KLHL22: variants seen among roughly 807,000 people sequenced by gnomAD.
KLHL22 encodes kelch-like protein 22.
A neutral mutation model predicts 60.7 loss-of-function variants in KLHL22; 18 were observed. The ratio of observed to expected loss-of-function variants is 0.30; its 90% confidence interval spans 0.20 to 0.44. The LOEUF (loss-of-function observed/expected upper bound fraction) is 0.44. Ranked by LOEUF, KLHL22 falls within the 20% of genes least tolerant of loss-of-function variation. KLHL22 has a pLI of 1.00. For synonymous variants in KLHL22, 355 were observed against 354.5 expected (o/e 1.00, Z -0.01); for missense variants, 596 against 852.3 (o/e 0.70, Z 3.74).
chr22:20,464,957 C>CG lies in KLHL22; in HGVS notation c.1012dup (p.Arg338ProfsTer36). 2 of 1,606,898 alleles carry CG rather than the reference C, an allele frequency of 1.2e-6. No homozygotes were observed. On this transcript the variant is annotated frameshift_variant, in exon 4 of 7. Coordinates refer to ENST00000328879, the MANE Select transcript of KLHL22 (RefSeq NM_032775.4). LOFTEE classifies it high-confidence loss of function. ...CACCGCGATGCCCTGGTTGGACATG[C>CG]GGGGGGCCAGGGAGGCAGTGAAGTG...
At chr22:20,470,711 G>GATGC (rs1331563358) in intron 3 of KLHL22, among the ~76,000 whole-genome samples, 4 of 131,902 alleles carry the variant, frequency 3.0e-5, no homozygotes, top group East Asian at 2.0e-4. Context: ...TGGATGGATG[G>GATGC]ATGCATGCAT....
intron 4 of KLHL22, among the ~76,000 whole-genome samples, chr22:20,460,260 T>C (rs1029211883): frequency 2.0e-5 from 3 of 152,198 alleles, no homozygotes; most frequent in Non-Finnish European, 4.4e-5. Flanking sequence ...TTCGAGTCTA[T>C]TGTCCTCACA....
intron 3 of KLHL22, among the ~76,000 whole-genome samples, chr22:20,470,789 T>TGGATGGAG (rs2053309890): frequency 7.1e-6 from 1 of 140,920 alleles, no homozygotes; most frequent in South Asian, 2.2e-4. Flanking sequence ...GATGGATAGA[T>TGGATGGAG]GGATGGATGG....
intron 2 of KLHL22, among the ~76,000 whole-genome samples, chr22:20,473,555 C>T (rs1309889961): frequency 1.3e-5 from 2 of 152,136 alleles, no homozygotes; most frequent in Admixed American, 6.5e-5. Context: ...CTAGGTAATA[C>T]ATATACATGC....
At position 20,466,244 on chromosome 22, in the gene KLHL22, C is replaced by T. The variant is rs1003094723; in HGVS notation, c.394-668G>A. ...CAAAAATTAGCTGGGCGTGGTGGCG[C>T]GCGCCTGTAATCCCAGCTACTCAGG... On this transcript the variant is annotated intron_variant, in intron 3 of 6. Transcript: ENST00000328879. 5.9e-5 allele frequency among the ~76,000 whole-genome samples: 9 copies of T among 151,826 alleles called. No individual in the cohort carries two copies. The East Asian group carries it at 1.2e-3, about 20-fold the overall frequency.
In KLHL22 at chr22:20,465,291, C is replaced by A; in HGVS notation, c.679G>T (p.Val227Leu). ...TGCAGCGAGATCTGGTCAGCCTGCACCTGCTCCAGGCTATAATGGTAGAGA... is the reference window on the plus strand; with the variant it reads ...TGCAGCGAGATCTGGTCAGCCTGCAACTGCTCCAGGCTATAATGGTAGAGA... ...ALLYHYSLEQ[V>L]QADQISLHEP... Residue 227 changes from valine to leucine, a missense_variant, in exon 4 of 7, where the codon GTG becomes TTG. Transcript: ENST00000328879. This position sits in a 1 kb window ranked among gnomAD's most constrained non-coding sequence, Gnocchi z 4.9. The A allele has an allele frequency of 1.1e-5, 18 of 1,614,110 alleles. No homozygotes were observed. Among genetic ancestry groups the A allele is most frequent in the Non-Finnish European group, 1.5e-5 (18 of 1,180,030 alleles).
chr22:20,458,870 G>T (rs991249606), intron 4 of KLHL22, among the ~76,000 whole-genome samples: 2 of 152,186 alleles, frequency 1.3e-5, no homozygotes, highest in African/African-American at 4.8e-5. Context: ...AAAGTGGAAA[G>T]GGTTAACTCC....
At chr22:20,493,235 G>T (rs1306749182) in intron 1 of KLHL22, 1 of 471,114 alleles carries the variant, frequency 2.1e-6, no homozygotes, top group South Asian at 1.5e-5. Context: ...AACAAGTACG[G>T]TAAAACAGAA....
At chr22:20,484,565 G>A (rs2053556428) in intron 2 of KLHL22, among the ~76,000 whole-genome samples, 1 of 152,026 alleles carries the variant, frequency 6.6e-6, no homozygotes, top group African/African-American at 2.4e-5. Context: ...ATTGTGCTGG[G>A]ATTACATGCA....
At chr22:20,443,590 TC>T (rs2052802545) in intron 6 of KLHL22, among the ~76,000 whole-genome samples, 1 of 151,598 alleles carries the variant, frequency 6.6e-6, no homozygotes, top group Non-Finnish European at 1.5e-5. Context: ...AATACAAAAA[TC>T]AGCTGGGCAT....
chr22:20,465,729 G>A lies in KLHL22; in HGVS notation c.394-153C>T. The A allele has an allele frequency of 1.6e-6, 1 of 635,828 alleles. No individual in the cohort carries two copies. Among genetic ancestry groups the A allele is most frequent in the Non-Finnish European group, 2.8e-6 (1 of 353,000 alleles). 39.4% of individuals were successfully genotyped at this position (635,828 alleles called of 1,614,324 possible). A position where few individuals can be genotyped will look rare whatever the true frequency, so the allele number is the denominator to read the frequency against. Reference sequence around the variant, plus strand: ...GTCCCCGACCTTTTCTGACACACTGGAGACTGGGGCTTACTGCAGACTAGG... The same window carrying A: ...GTCCCCGACCTTTTCTGACACACTGAAGACTGGGGCTTACTGCAGACTAGG... On this transcript the variant is annotated intron_variant, in intron 3 of 6. Coordinates refer to ENST00000328879, the MANE Select transcript of KLHL22 (RefSeq NM_032775.4). The surrounding 1 kb of genome is among the most constrained non-coding windows in gnomAD (Gnocchi z 4.9).
At chr22:20,491,374 C>T (rs185752355) in intron 1 of KLHL22, 12 of 152,174 alleles carry the variant, frequency 7.9e-5, no homozygotes, top group Admixed American at 5.9e-4. Context: ...AGAGGTGAGG[C>T]TGAAAGTCCC....
intron 3 of KLHL22, among the ~76,000 whole-genome samples, chr22:20,467,789 G>A (rs1356731824): frequency 6.6e-6 from 1 of 152,110 alleles, no homozygotes; most frequent in Non-Finnish European, 1.5e-5. Flanking sequence ...CTCCCAAGTA[G>A]CTGGGACAAC....
chr22:20,478,957 C>T (rs1044470043), intron 2 of KLHL22, among the ~76,000 whole-genome samples: 8 of 151,260 alleles, frequency 5.3e-5, no homozygotes, highest in Non-Finnish European at 8.9e-5. Flanking sequence ...GGTGAAACCC[C>T]GTCTCTAGTA....
chr22:20,484,129 G>T, intron 2 of KLHL22: 1 of 725,522 alleles, frequency 1.4e-6, no homozygotes, highest in Non-Finnish European at 2.5e-6. Context: ...GAGAGCAAGA[G>T]GACAGGACTC....
At chr22:20,494,074 G>GCCCCCC (rs35792870) in intron 1 of KLHL22, among the ~76,000 whole-genome samples, 6 of 122,310 alleles carry the variant, frequency 4.9e-5, no homozygotes, top group Non-Finnish European at 6.8e-5. Flanking sequence ...GCCAGACTTT[G>GCCCCCC]CCCCCCCCCC....
intron 5 of KLHL22, chr22:20,450,859 T>C: frequency 6.2e-7 from 1 of 1,609,670 alleles, no homozygotes; most frequent in Non-Finnish European, 8.5e-7. Flanking sequence ...TGGTTTACAA[T>C]GCAGGGATCT....
intron 2 of KLHL22, among the ~76,000 whole-genome samples, chr22:20,485,356 A>G (rs2053568059): frequency 2.0e-5 from 3 of 152,210 alleles, no homozygotes; most frequent in South Asian, 4.1e-4. Context: ...AAAGTCAAAA[A>G]AAGAAAATGC....
intron 1 of KLHL22, chr22:20,493,094 G>A (rs1053794414): frequency 1.1e-5 from 5 of 465,752 alleles, no homozygotes; most frequent in Non-Finnish European, 2.2e-5. Flanking sequence ...CCTTCTCTGA[G>A]GGTGACCTCC....
Sources: gnomAD v4.1 joint callset for allele counts (sites outside exome capture counted in the v4.1 genomes callset) on GRCh38, gnomAD v4.1.1 for gene constraint, Gnocchi (gnomAD v3.1) non-coding constraint, MANE v1.5 for transcripts, NCBI Gene and HGNC (gene_info 2026-07-23, HGNC 2026-07-21) for gene names.